Variants in RTN4 observed in about 807,000 individuals in gnomAD.
RTN4 encodes the protein reticulon-4.
RTN4 carries 32 observed loss-of-function variants against 90.4 expected under a neutral mutation model. The observed-to-expected ratio is 0.35, with a 90% CI of 0.27 to 0.48. The LOEUF is 0.48. Ranked by LOEUF, RTN4 falls within the 20% of genes least tolerant of loss-of-function variation. The pLI is 0.99. For missense variants in RTN4, 1,706 were observed against 1,430.2 expected, an observed-to-expected ratio of 1.19 and a Z score of -3.11; for synonymous variants, 629 against 552.5, an observed-to-expected ratio of 1.14 and a Z score of -1.94.
chr2:55,036,930 G>C (rs1473703932), intron 1 of RTN4, among the ~76,000 whole-genome samples: 1 of 152,142 alleles, frequency 6.6e-6, no homozygotes, highest in Non-Finnish European at 1.5e-5. Context: ...AAGATCTGAA[G>C]AGAAAAGTAA....
intron 3 of RTN4, among the ~76,000 whole-genome samples, chr2:55,011,420 G>A (rs1680631833): frequency 6.6e-6 from 1 of 152,164 alleles, no homozygotes; most frequent in Admixed American, 6.5e-5. Context: ...TTCCAATGCA[G>A]TGTCTCTACT....
intron 1 of RTN4, among the ~76,000 whole-genome samples, chr2:55,030,572 T>A (rs1448037932): frequency 1.3e-5 from 2 of 152,072 alleles, no homozygotes; most frequent in Non-Finnish European, 2.9e-5. Flanking sequence ...ATGAAACTTG[T>A]AAAATAAGGA....
chr2:55,004,753 G>A (rs1296229356), intron 3 of RTN4, among the ~76,000 whole-genome samples: 1 of 151,932 alleles, frequency 6.6e-6, no homozygotes, highest in Non-Finnish European at 1.5e-5. Context: ...ACTGTTTTTG[G>A]CCTTCAAAAA....
chr2:54,987,707 T>G lies in RTN4; in HGVS notation c.3014-9A>C, dbSNP rs773004562. On this transcript the variant is annotated splice_polypyrimidine_tract_variant and intron_variant, in intron 3 of 8. Coordinates refer to ENST00000337526, the MANE Select transcript of RTN4 (RefSeq NM_020532.5). ...GTACAGGAGGTCAACAACTAAAAAT[T>G]GAAAAAGAAATCTGAAATTAGAATG... The G allele has an allele frequency of 2.5e-6, 4 of 1,599,014 alleles. No homozygotes were observed. The highest frequency in any genetic ancestry group is 3.4e-6 in the Non-Finnish European group (4 of 1,169,986).
At chr2:55,136,252 G>C in the RTN4 span, among the ~76,000 whole-genome samples, 15 of 152,148 alleles carry the variant, frequency 9.9e-5, no homozygotes, top group Non-Finnish European at 2.1e-4. Flanking sequence ...AACTGATAAG[G>C]GAAGAATACC....
At chr2:55,035,265 T>C (rs1682597139) in intron 1 of RTN4, among the ~76,000 whole-genome samples, 1 of 152,136 alleles carries the variant, frequency 6.6e-6, no homozygotes, top group Admixed American at 6.6e-5. Context: ...GATAAAACAT[T>C]TCCTGGGCTA....
At chr2:54,983,321 TAATAAATA>T (rs142672156) in intron 4 of RTN4, among the ~76,000 whole-genome samples, 5,340 of 148,218 alleles carry the variant, frequency 0.036, 302 homozygotes, top group African/African-American at 0.12. Context: ...ATTGTATTGG[TAATAAATA>T]AATAAATAAA....
At chr2:55,004,192 T>C (rs1053955699) in intron 3 of RTN4, among the ~76,000 whole-genome samples, 2 of 152,192 alleles carry the variant, frequency 1.3e-5, no homozygotes, top group African/African-American at 4.8e-5. Context: ...GACAACTGCC[T>C]GCCTTTTTTA....
intron 1 of RTN4, among the ~76,000 whole-genome samples, chr2:55,035,741 A>G (rs894277340): frequency 1.3e-5 from 2 of 152,168 alleles, no homozygotes; most frequent in Admixed American, 1.3e-4. Flanking sequence ...GCAAGTATTG[A>G]AAATAAAAGA....
intron 1 of RTN4, among the ~76,000 whole-genome samples, chr2:55,091,997 G>C (rs1668946952): frequency 6.6e-6 from 1 of 152,088 alleles, no homozygotes; most frequent in Non-Finnish European, 1.5e-5. Flanking sequence ...GGAATTCTGG[G>C]AGACACAATT....
In RTN4 at chr2:54,973,098, T is replaced by TATA; in HGVS notation, c.*55_*57dup. ...TTCGTTCTTCCCTGACCCTCCCCCG[T>TATA]ATAATCAAATGAATATCCCCTTTAA... On this transcript the variant is annotated 3_prime_UTR_variant, in exon 9 of 9. Coordinates refer to ENST00000337526, the MANE Select transcript of RTN4 (RefSeq NM_020532.5). 2 of 1,436,578 alleles carry TATA rather than the reference T, an allele frequency of 1.4e-6. No homozygotes were observed. Among genetic ancestry groups the TATA allele is most frequent in the Non-Finnish European group, 2.0e-6 (2 of 1,025,092 alleles). The allele number at this position is 1,436,578 out of a possible 1,614,324, so 89.0% of individuals were successfully genotyped here. A position where few individuals can be genotyped will look rare whatever the true frequency, so the allele number is the denominator to read the frequency against.
chr2:54,993,740 T>G (rs1319294580), intron 3 of RTN4, among the ~76,000 whole-genome samples: 1 of 152,152 alleles, frequency 6.6e-6, no homozygotes. Flanking sequence ...CATCAGACCC[T>G]TTAGAGCCCT....
chr2:55,115,970 T>C (rs1300091741), upstream of RTN4, among the ~76,000 whole-genome samples: 1 of 152,130 alleles, frequency 6.6e-6, no homozygotes, highest in Non-Finnish European at 1.5e-5. Context: ...AGCTAGTGCT[T>C]TGTAAAGTGA....
intron 1 of RTN4, among the ~76,000 whole-genome samples, chr2:55,086,140 T>A (rs1668832994): frequency 6.6e-6 from 1 of 152,186 alleles, no homozygotes; most frequent in South Asian, 2.1e-4. Context: ...TCCCAATTAA[T>A]CTACATTGAA....
intron 2 of RTN4, among the ~76,000 whole-genome samples, chr2:55,073,615 G>T (rs1055717743): frequency 1.3e-5 from 2 of 152,174 alleles, no homozygotes; most frequent in Non-Finnish European, 2.9e-5. Flanking sequence ...CTATGTCAAT[G>T]TGCAAATTTC....
intron 2 of RTN4, among the ~76,000 whole-genome samples, chr2:55,074,796 T>C (rs1668573727): frequency 6.6e-6 from 1 of 152,190 alleles, no homozygotes; most frequent in Admixed American, 6.5e-5. Flanking sequence ...ATAAATGTGA[T>C]ACACCACATA....
At chr2:55,097,891 A>G (rs1213603954) in intron 1 of RTN4, among the ~76,000 whole-genome samples, 1 of 152,066 alleles carries the variant, frequency 6.6e-6, no homozygotes, top group Non-Finnish European at 1.5e-5. Flanking sequence ...TCCCCCAGGA[A>G]GCAGGTGGAG....
chr2:55,053,603 T>G (rs1668134979), upstream of RTN4, among the ~76,000 whole-genome samples: 1 of 151,686 alleles, frequency 6.6e-6, no homozygotes, highest in Admixed American at 6.6e-5. Flanking sequence ...GGAGAATTGC[T>G]TGGACCTGAG....
At chr2:55,126,383 AAAAAG>A in the RTN4 span, among the ~76,000 whole-genome samples, 1 of 152,150 alleles carries the variant, frequency 6.6e-6, no homozygotes, top group Non-Finnish European at 1.5e-5. Context: ...AAGAAAAAAA[AAAAAG>A]AAGACATATA....
Sources: allele counts gnomAD v4.1 joint callset (sites outside exome capture counted in the v4.1 genomes callset), GRCh38; gene constraint gnomAD v4.1.1; transcripts MANE v1.5; gene names NCBI Gene and HGNC (gene_info 2026-07-23, HGNC 2026-07-21).